TRPV5: variants seen among roughly 807,000 people sequenced by gnomAD.
TRPV5 encodes calcium transport protein 2.
TRPV5 carries 66 observed loss-of-function variants against 74.1 expected under a neutral mutation model. That is an observed-to-expected ratio of 0.89 (90% confidence interval 0.73 to 1.09). TRPV5 has a LOEUF of 1.09. Ranked by LOEUF, TRPV5 falls within the 50% of genes least tolerant of loss-of-function variation. The probability of loss-of-function intolerance (pLI) is 0.00; values close to 1 mark genes in which losing one functional copy is unlikely to be tolerated. For missense variants in TRPV5, 936 were observed against 930.4 expected (o/e 1.01, Z -0.08); for synonymous variants, 399 against 360.7 (o/e 1.11, Z -1.20).
In TRPV5 at chr7:142,925,625, G is replaced by T. The variant is rs747350974; in HGVS notation, c.1026C>A (p.Cys342Ter). 3.1e-6 allele frequency: 5 copies of T among 1,614,214 alleles called. No homozygotes were observed. The highest frequency in any genetic ancestry group is 4.2e-6 in the Non-Finnish European group (5 of 1,180,040). The change falls in exon 8 of 15, where the codon TGC becomes TGA. Residue 342 changes from cysteine (C) to a stop codon, truncating the protein, a stop_gained. Coordinates refer to ENST00000265310, the MANE Select transcript of TRPV5 (RefSeq NM_019841.7). LOFTEE classifies it high-confidence loss of function. ...GGCGGTAGACGCAGCACGTAGTAAA[G>T]CAGATCATGTAGAGCAGGTACAAGG... Reference protein sequence around the residue: ...LAALYLLYMICFTTCCVYRPL... With the variant: ...LAALYLLYMI
chr7:142,925,201 A>C (rs1181536494), intron 8 of TRPV5: 5 of 532,450 alleles, frequency 9.4e-6, no homozygotes, highest in Non-Finnish European at 1.7e-5. Context: ...CCTTTTGAGC[A>C]ATAGAGTTTA....
chr7:142,917,744 T>G (rs4252476), intron 8 of TRPV5, among the ~76,000 whole-genome samples: 2,474 of 152,294 alleles, frequency 0.016, 59 homozygotes, highest in African/African-American at 0.056. Flanking sequence ...CCTCCAGCAC[T>G]CTGTCCCCGG....
chr7:142,915,669 A>G lies in TRPV5; in HGVS notation c.1123-101T>C, dbSNP rs553564359. The G allele has an allele frequency of 2.0e-4, 225 of 1,147,828 alleles. 2 individuals carry two copies. The South Asian group carries it at 2.0e-3, about 10-fold the overall frequency. 71.1% of individuals were successfully genotyped at this position (1,147,828 alleles called of 1,614,324 possible). A position where few individuals can be genotyped will look rare whatever the true frequency, so the allele number is the denominator to read the frequency against. The stretch of plus-strand genomic sequence containing the variant: ...CTAAAGCCCATCCAAAATAAAGGAA[A>G]CTCCCCTTCCCACCAGCATCACCCC... On this transcript the variant is annotated intron_variant, in intron 8 of 14. Coordinates refer to ENST00000265310, the MANE Select transcript of TRPV5 (RefSeq NM_019841.7).
At chr7:142,929,674 A>G in intron 3 of TRPV5, 109 bp from the exon 4 acceptor site, 2 of 1,516,890 alleles carry the variant, frequency 1.3e-6, no homozygotes, top group Non-Finnish European at 1.8e-6. Context: ...TCTTTGCTAG[A>G]CTTCTGCCCT....
chr7:142,932,213 CACAA>C (rs1347593423), intron 1 of TRPV5, among the ~76,000 whole-genome samples: 5 of 152,146 alleles, frequency 3.3e-5, no homozygotes, highest in African/African-American at 9.7e-5. Context: ...GAGGCCACTG[CACAA>C]ACAAAGTCCT....
chr7:142,922,020 G>A (rs1043442685), intron 8 of TRPV5, among the ~76,000 whole-genome samples: 1 of 152,202 alleles, frequency 6.6e-6, no homozygotes, highest in Non-Finnish European at 1.5e-5. Flanking sequence ...CCAGGCCCCT[G>A]TTATAAGTTT....
At chr7:142,923,934 T>C (rs1171366749) in intron 8 of TRPV5, among the ~76,000 whole-genome samples, 1 of 152,042 alleles carries the variant, frequency 6.6e-6, no homozygotes, top group Non-Finnish European at 1.5e-5. Context: ...CAAAGGAAGG[T>C]TGGAGAAGAC....
chr7:142,933,481 G>C lies in TRPV5; in HGVS notation c.-22C>G, dbSNP rs771024982. The C allele has an allele frequency of 6.2e-7, 1 of 1,606,960 alleles. No individual in the cohort carries two copies. Among genetic ancestry groups the C allele is most frequent in the South Asian group, 1.1e-5 (1 of 89,952 alleles). On this transcript the variant is annotated 5_prime_UTR_variant, in exon 1 of 15. Transcript: ENST00000265310. The stretch of plus-strand genomic sequence containing the variant: ...CCATGTCTTCTCCTTGCAGACACTG[G>C]CAGATTATAGAAATGTGGCGAAAGA...
rs891572205 is a variant in TRPV5, at chr7:142,908,396, C to T, written c.*118G>A. On this transcript the variant is annotated 3_prime_UTR_variant, in exon 15 of 15. Transcript: ENST00000265310. ...CATGACCCTTTAGGGATTGTTCTGTCTCACCCTCCCATGATTAACAGGCAC... is the reference window on the plus strand; with the variant it reads ...CATGACCCTTTAGGGATTGTTCTGTTTCACCCTCCCATGATTAACAGGCAC... The T allele has an allele frequency of 1.7e-6, 2 of 1,164,710 alleles. No homozygotes were observed. The highest frequency in any genetic ancestry group is 2.5e-6 in the Non-Finnish European group (2 of 813,552). 72.1% of individuals were successfully genotyped at this position (1,164,710 alleles called of 1,614,324 possible). A position where few individuals can be genotyped will look rare whatever the true frequency, so the allele number is the denominator to read the frequency against.
chr7:142,908,215 A>C lies in TRPV5; in HGVS notation c.*299T>G, dbSNP rs1214172643. ...TTCTAGGGGCTGCGTGGGGCAGAAG[A>C]GAAATGGTCCTGACATTAATCTAGC... is the stretch of plus-strand genomic sequence containing the variant. On this transcript the variant is annotated 3_prime_UTR_variant, in exon 15 of 15. Coordinates refer to ENST00000265310, the MANE Select transcript of TRPV5 (RefSeq NM_019841.7). The C allele has an allele frequency of 2.1e-6, 1 of 469,558 alleles. No individual in the cohort carries two copies. The highest frequency in any genetic ancestry group is 3.8e-6 in the Non-Finnish European group (1 of 262,308). The allele number at this position is 469,558 out of a possible 1,614,324, so 29.1% of individuals were successfully genotyped here.
Position 142,925,722 on chromosome 7 carries a change from T to A in TRPV5, c.929A>T (p.Gln310Leu). Residue 310 changes from glutamine to leucine, a missense_variant, in exon 8 of 15, where the codon CAG (glutamine) becomes CTG (leucine). Transcript: ENST00000265310. ...GCTCACCAGCTCCTTCACTGGGGTCTGTTCCAGAATTTGGCGAGCCTGGCA... is the reference window on the plus strand; with the variant it reads ...GCTCACCAGCTCCTTCACTGGGGTCAGTTCCAGAATTTGGCGAGCCTGGCA... ...DKREARQILE[Q>L]TPVKELVSFK... 6.2e-7 allele frequency: 1 copy of A among 1,614,120 alleles called. No individual in the cohort carries two copies. Among genetic ancestry groups the A allele is most frequent in the South Asian group, 1.1e-5 (1 of 91,078 alleles).
intron 7 of TRPV5, among the ~76,000 whole-genome samples, chr7:142,927,698 C>T (rs1796010553): frequency 6.6e-6 from 1 of 152,102 alleles, no homozygotes; most frequent in African/African-American, 2.4e-5. Flanking sequence ...GAAGTCTGTC[C>T]CCATGATCCA....
chr7:142,914,686 C>A lies in TRPV5; in HGVS notation c.1473G>T (p.Met491Ile). Reference sequence around the variant, plus strand: ...CCACAGCCATCAGCCAGCAGAAACGCATTAGGTCTCCAAAAATCATCTGCA... The same window carrying A: ...CCACAGCCATCAGCCAGCAGAAACGAATTAGGTCTCCAAAAATCATCTGCA... Reference protein sequence around the residue: ...MIQKMIFGDLMRFCWLMAVVI... With the variant: ...MIQKMIFGDLIRFCWLMAVVI... Residue 491 changes from methionine to isoleucine, a missense_variant, in exon 12 of 15, where the codon ATG becomes ATT. Physicochemically the swap from Met to Ile is conservative, Grantham distance 10. Coordinates refer to ENST00000265310, the MANE Select transcript of TRPV5 (RefSeq NM_019841.7). 6.2e-7 allele frequency: 1 copy of A among 1,613,746 alleles called. No individual in the cohort carries two copies. The highest frequency in any genetic ancestry group is 8.5e-7 in the Non-Finnish European group (1 of 1,179,888).
intron 7 of TRPV5, 22 bp downstream of exon 7, chr7:142,928,066 T>C (rs746186594): frequency 1.9e-6 from 3 of 1,614,030 alleles, no homozygotes; most frequent in Non-Finnish European, 2.5e-6. Context: ...ATGACAGGCC[T>C]GATCCTCCTT....
intron 14 of TRPV5, 111 bp downstream of exon 14, chr7:142,909,379 C>T: frequency 8.7e-7 from 1 of 1,152,728 alleles, no homozygotes; most frequent in Non-Finnish European, 1.2e-6. Context: ...ACTTCAGCTC[C>T]AGCCCCCTCC....
chr7:142,930,715 G>A (rs1355259882), intron 1 of TRPV5, among the ~76,000 whole-genome samples: 1 of 152,212 alleles, frequency 6.6e-6, no homozygotes, highest in Admixed American at 6.5e-5. Context: ...AATAGGAAGA[G>A]AACCTGTAGT....
intron 6 of TRPV5, 64 bp downstream of exon 6, chr7:142,928,627 A>G: frequency 1.3e-6 from 2 of 1,534,436 alleles, no homozygotes; most frequent in Admixed American, 4.3e-5. Flanking sequence ...TATTTCTCCC[A>G]GGGCCAGCAG....
intron 4 of TRPV5, 57 bp from the exon 5 acceptor site, chr7:142,929,177 C>T: frequency 6.3e-7 from 1 of 1,583,890 alleles, no homozygotes; most frequent in Non-Finnish European, 8.6e-7. Flanking sequence ...ATGGGGTGGG[C>T]AGTCTCCCCC....
At chr7:142,912,319 C>T (rs1393500817) in intron 13 of TRPV5, among the ~76,000 whole-genome samples, 163 bp downstream of exon 13, 2 of 152,228 alleles carry the variant, frequency 1.3e-5, no homozygotes, top group African/African-American at 2.4e-5. Flanking sequence ...CTGTCCCTTC[C>T]ATTTATCCAC....
Sources: gnomAD v4.1 joint callset for allele counts (sites outside exome capture counted in the v4.1 genomes callset) on GRCh38, gnomAD v4.1.1 for gene constraint, MANE v1.5 for transcripts, NCBI Gene and HGNC (gene_info 2026-07-23, HGNC 2026-07-21) for gene names.